Variants in UST observed in about 807,000 individuals in gnomAD.
UST encodes uronyl 2-sulfotransferase.
In UST, 21 loss-of-function variants were observed where a neutral mutation model predicts 45.6. That is an observed-to-expected ratio of 0.46 (90% confidence interval 0.33 to 0.66). UST has a LOEUF of 0.66. UST is among the 30% of genes least tolerant of loss of function. The probability of loss-of-function intolerance (pLI) is 0.02; values close to 1 mark genes in which losing one functional copy is unlikely to be tolerated. For synonymous variants in UST, 215 were observed against 200.6 expected (o/e 1.07, Z -0.61); for missense variants, 463 against 512.4 (o/e 0.90, Z 0.93).
chr6:149,035,591 A>C (rs1776229372), intron 7 of UST, among the ~76,000 whole-genome samples: 1 of 148,596 alleles, frequency 6.7e-6, no homozygotes, highest in African/African-American at 2.5e-5. Flanking sequence ...CTGTCTCTAC[A>C]AAAAAAAAAT....
chr6:149,074,288 A>G lies in UST; in HGVS notation c.*172A>G. 4.2e-6 allele frequency: 3 copies of G among 710,978 alleles called. No homozygotes were observed. The highest frequency in any genetic ancestry group is 6.8e-6 in the Non-Finnish European group (3 of 440,084). The allele number at this position is 710,978 out of a possible 1,614,324, so 44.0% of individuals were successfully genotyped here. A position where few individuals can be genotyped will look rare whatever the true frequency, so the allele number is the denominator to read the frequency against. On this transcript the variant is annotated 3_prime_UTR_variant, in exon 8 of 8. Transcript: ENST00000367463. Reference sequence around the variant, plus strand: ...CCGGTTTTGCGGGTTTTATTTGTTTAATTTTATTCTGTGTTTTCTCTTGGC... The same window carrying G: ...CCGGTTTTGCGGGTTTTATTTGTTTGATTTTATTCTGTGTTTTCTCTTGGC...
intron 5 of UST, among the ~76,000 whole-genome samples, chr6:148,982,667 C>T (rs891550491): frequency 3.3e-5 from 5 of 152,204 alleles, no homozygotes; most frequent in African/African-American, 9.6e-5. Flanking sequence ...CACCAGTTTA[C>T]TCAAACTAAT....
chr6:148,948,490 ATTAC>A (rs1451692805), intron 3 of UST, among the ~76,000 whole-genome samples: 6 of 152,200 alleles, frequency 3.9e-5, no homozygotes, highest in Admixed American at 1.3e-4. Flanking sequence ...AAGATTAGGA[ATTAC>A]TTACTGATAT....
At chr6:149,007,041 A>G (rs1232618519) in intron 5 of UST, among the ~76,000 whole-genome samples, 3 of 152,014 alleles carry the variant, frequency 2.0e-5, no homozygotes, top group Non-Finnish European at 4.4e-5. Context: ...TCACAAAATC[A>G]TGGCTAACTT....
At chr6:148,969,937 G>A (rs1780880774) in intron 5 of UST, among the ~76,000 whole-genome samples, 1 of 152,212 alleles carries the variant, frequency 6.6e-6, no homozygotes, top group Admixed American at 6.5e-5. Context: ...TGTAGGCCCT[G>A]GGTTGGAAAG....
chr6:149,073,941 A>G lies in UST; in HGVS notation c.1046A>G (p.His349Arg). 1 of 1,614,146 alleles carries G rather than the reference A, an allele frequency of 6.2e-7. No individual in the cohort carries two copies. The highest frequency in any genetic ancestry group is 8.5e-7 in the Non-Finnish European group (1 of 1,180,024). Residue 349 changes from histidine to arginine, a missense_variant, in exon 8 of 8, where the codon CAC (histidine) becomes CGC (arginine). This residue lies in a region of UST where 287 missense variants were observed against 374.2 expected (regional missense o/e 0.77). Coordinates refer to ENST00000367463, the MANE Select transcript of UST (RefSeq NM_005715.3). ...QRMRYEYEFY[H>R]YVKEQFHLLK... ...ATGAGATACGAGTACGAGTTTTACC[A>G]CTACGTCAAAGAGCAGTTCCACCTG... is the stretch of plus-strand genomic sequence containing the variant.
intron 1 of UST, among the ~76,000 whole-genome samples, chr6:148,885,429 G>C (rs982697296): frequency 6.6e-6 from 1 of 152,104 alleles, no homozygotes; most frequent in Non-Finnish European, 1.5e-5. Context: ...ATCCAACATA[G>C]ATCTTACATC....
chr6:148,796,797 CTT>C (rs1195878764), intron 1 of UST, among the ~76,000 whole-genome samples: 1,519 of 71,998 alleles, frequency 0.021, 6 homozygotes, highest in African/African-American at 0.042. Flanking sequence ...TCTGATAATT[CTT>C]TTTTTTTTTT....
intron 2 of UST, among the ~76,000 whole-genome samples, chr6:148,935,162 T>C (rs1779995485): frequency 6.6e-6 from 1 of 152,234 alleles, no homozygotes; most frequent in South Asian, 2.1e-4. Flanking sequence ...TCTGTTTATC[T>C]GGCACGCTCC....
chr6:149,026,845 A>G (rs1362641187), intron 7 of UST, among the ~76,000 whole-genome samples: 1 of 152,200 alleles, frequency 6.6e-6, no homozygotes, highest in Non-Finnish European at 1.5e-5. Flanking sequence ...TCCATTACAA[A>G]TGTAAACACT....
At chr6:148,895,507 G>A (rs994074326) in intron 2 of UST, among the ~76,000 whole-genome samples, 5 of 152,156 alleles carry the variant, frequency 3.3e-5, no homozygotes, top group African/African-American at 9.7e-5. Flanking sequence ...CTAACCGTTA[G>A]GCTAACAATA....
chr6:149,063,261 AC>A (rs1447701855), intron 7 of UST, among the ~76,000 whole-genome samples: 2 of 152,186 alleles, frequency 1.3e-5, no homozygotes, highest in Non-Finnish European at 1.5e-5. Context: ...TTGTTTTTTT[AC>A]TTTGTTTTCC....
intron 1 of UST, among the ~76,000 whole-genome samples, chr6:148,789,970 T>C (rs1358350273): frequency 6.7e-6 from 1 of 149,918 alleles, no homozygotes; most frequent in Non-Finnish European, 1.5e-5. Context: ...CTTTTTTCTG[T>C]CATCAAGATT....
chr6:149,007,580 G>A (rs182115150), intron 5 of UST, among the ~76,000 whole-genome samples: 1,820 of 150,644 alleles, frequency 0.012, 46 homozygotes, highest in African/African-American at 0.041. Context: ...GAGCCACCGC[G>A]CCTGGCCTTT....
intron 5 of UST, among the ~76,000 whole-genome samples, chr6:148,993,982 T>TTTG (rs1781402859): frequency 2.8e-5 from 2 of 71,662 alleles, no homozygotes; most frequent in African/African-American, 9.5e-5. Flanking sequence ...TTTTTTTTTT[T>TTTG]TTGTTGAGAC....
At chr6:148,955,178 C>T (rs1172190767) in intron 4 of UST, among the ~76,000 whole-genome samples, 1 of 152,224 alleles carries the variant, frequency 6.6e-6, no homozygotes, top group Non-Finnish European at 1.5e-5. Flanking sequence ...GGGCAGCAGG[C>T]AACATCTGCT....
At position 149,074,223 on chromosome 6, in the gene UST, G is replaced by A. The variant is rs1467123606; in HGVS notation, c.*107G>A. The A allele has an allele frequency of 1.6e-6, 2 of 1,260,142 alleles. No individual in the cohort carries two copies. Among genetic ancestry groups the A allele is most frequent in the African/African-American group, 3.0e-5 (2 of 66,488 alleles). The allele number at this position is 1,260,142 out of a possible 1,614,324, so 78.1% of individuals were successfully genotyped here. A position where few individuals can be genotyped will look rare whatever the true frequency, so the allele number is the denominator to read the frequency against. On this transcript the variant is annotated 3_prime_UTR_variant, in exon 8 of 8. Coordinates refer to ENST00000367463, the MANE Select transcript of UST (RefSeq NM_005715.3). ...AATTAATGCTTGGGTGCATTAAAAA[G>A]AACAAAACATTCCCACATGTTGGGG... is the stretch of plus-strand genomic sequence containing the variant.
At chr6:148,847,722 G>T (rs1778017934) in intron 1 of UST, among the ~76,000 whole-genome samples, 3 of 152,288 alleles carry the variant, frequency 2.0e-5, no homozygotes, top group South Asian at 4.1e-4. Flanking sequence ...GACCCAAAGA[G>T]AATATTATAT....
intron 2 of UST, among the ~76,000 whole-genome samples, chr6:148,889,197 C>A (rs1476774008): frequency 6.6e-6 from 1 of 152,232 alleles, no homozygotes; most frequent in Non-Finnish European, 1.5e-5. Flanking sequence ...CAAGCTCCCA[C>A]ATGATGCTGA....
Sources: allele counts gnomAD v4.1 joint callset (sites outside exome capture counted in the v4.1 genomes callset), GRCh38; gene constraint gnomAD v4.1.1; regional missense constraint gnomAD v4.1.1; transcripts MANE v1.5; gene names NCBI Gene and HGNC (gene_info 2026-07-23, HGNC 2026-07-21).